FRMPD3: variants seen among roughly 807,000 people sequenced by gnomAD.
The protein encoded by FRMPD3 is FERM and PDZ domain containing 3, also known as FERM and PDZ domain-containing protein 3.
In FRMPD3, 42 loss-of-function variants were observed where a neutral mutation model predicts 97.9. The observed-to-expected ratio is 0.43, with a 90% CI of 0.34 to 0.55. The LOEUF (loss-of-function observed/expected upper bound fraction) is 0.55. FRMPD3 is among the 20% of genes least tolerant of loss of function. The pLI is 0.03. For missense variants in FRMPD3, 1,303 were observed against 1,457.7 expected (o/e 0.89, Z 1.73); for synonymous variants, 577 against 581.1 (o/e 0.99, Z 0.10).
At chrX:107,522,087 G>T (rs1295431407) in intron 1 of FRMPD3, among the ~76,000 whole-genome samples, 1 of 111,523 alleles carries the variant, frequency 9.0e-6, no homozygotes, top group African/African-American at 3.3e-5. Context: ...AGGTTGTCTC[G>T]TAGTTGGGTC....
chrX:107,529,207 G>T (rs1294084846), intron 2 of FRMPD3, among the ~76,000 whole-genome samples: 1 of 111,960 alleles, frequency 8.9e-6, no homozygotes, highest in Non-Finnish European at 1.9e-5. Flanking sequence ...GCATAGCCTT[G>T]TGGTATCCCT....
chrX:107,528,025 T>C (rs767435979), intron 2 of FRMPD3, among the ~76,000 whole-genome samples: 12 of 110,806 alleles, frequency 1.1e-4, no homozygotes, highest in African/African-American at 3.9e-4. Flanking sequence ...TGAGACAGAA[T>C]CTGCACAGCT....
chrX:107,498,760 G>A (rs763185804), intron 1 of FRMPD3, among the ~76,000 whole-genome samples: 17 of 111,966 alleles, frequency 1.5e-4, no homozygotes, highest in Non-Finnish European at 3.8e-5. Context: ...CCATCACAAT[G>A]AGAGGCTGTC....
chrX:107,483,001 C>T (rs1341577058), intron 1 of FRMPD3, among the ~76,000 whole-genome samples: 2 of 112,263 alleles, frequency 1.8e-5, no homozygotes, highest in African/African-American at 6.5e-5. Context: ...ACCATTGTCT[C>T]CGTCTATAGA....
At chrX:107,572,239 G>C (rs933948692) in intron 12 of FRMPD3, among the ~76,000 whole-genome samples, 7 of 111,526 alleles carry the variant, frequency 6.3e-5, no homozygotes, top group Non-Finnish European at 9.4e-5. Flanking sequence ...AGAGGGAACA[G>C]CATAGGTTAA....
At chrX:107,500,564 C>T (rs970226305) in intron 1 of FRMPD3, among the ~76,000 whole-genome samples, 10 of 111,417 alleles carry the variant, frequency 9.0e-5, no homozygotes, top group East Asian at 2.8e-4. Context: ...GAGGCCAAGG[C>T]GGGCGACTCA....
intron 10 of FRMPD3, 138 bp from the exon 11 acceptor site, chrX:107,562,973 A>T (rs1219942635): frequency 4.4e-6 from 2 of 452,931 alleles, no homozygotes; most frequent in Non-Finnish European, 7.7e-6. Flanking sequence ...TGTTTTAAGA[A>T]GGGCATCTTC....
intron 1 of FRMPD3, among the ~76,000 whole-genome samples, chrX:107,453,262 AC>A (rs1017617594): frequency 9.0e-6 from 1 of 110,710 alleles, no homozygotes; most frequent in Non-Finnish European, 1.9e-5. Flanking sequence ...ACACCCTCAA[AC>A]CCCAACACAT....
rs762024290 is a variant in FRMPD3 at position 107,530,508 on chromosome X, T to A, written c.248T>A (p.Ile83Asn). The change falls in exon 3 of 15, where the codon ATC (isoleucine) becomes AAC (asparagine). Residue 83 changes from isoleucine to asparagine, a missense_variant. Ile to Asn is a moderately radical substitution (Grantham distance 149, BLOSUM62 -3). Transcript: ENST00000683843. ...EAPRERLIEL[I>N]RSAKEFIVLT... Reference sequence around the variant, plus strand: ...CCGAGGGAGAGACTCATAGAACTTATCAGGTAACAGGGGCCTTTTGGCAGG... The same window carrying A: ...CCGAGGGAGAGACTCATAGAACTTAACAGGTAACAGGGGCCTTTTGGCAGG... 2.6e-6 allele frequency: 3 copies of A among 1,170,972 alleles called. No individual in the cohort carries two copies. In the East Asian group the frequency reaches 9.2e-5, roughly 36 times the overall value.
chrX:107,535,672 CA>C (rs772729164), intron 4 of FRMPD3, among the ~76,000 whole-genome samples: 2,922 of 36,004 alleles, frequency 0.081, 125 homozygotes, highest in African/African-American at 0.22. Context: ...GACTCCATCT[CA>C]AAAAAAAAAA....
intron 3 of FRMPD3, among the ~76,000 whole-genome samples, chrX:107,531,993 C>T (rs954926354): frequency 3.6e-5 from 4 of 111,994 alleles, no homozygotes; most frequent in East Asian, 2.8e-4. Flanking sequence ...TTGTTGTCCT[C>T]GATGCACCAG....
At chrX:107,487,813 A>G (rs1325512963) in intron 1 of FRMPD3, among the ~76,000 whole-genome samples, 2 of 111,954 alleles carry the variant, frequency 1.8e-5, no homozygotes, top group African/African-American at 6.5e-5. Flanking sequence ...GTATCTTTTC[A>G]TGTCACCCAA....
chrX:107,576,837 G>C (rs1416293312), intron 13 of FRMPD3, among the ~76,000 whole-genome samples: 1 of 111,499 alleles, frequency 9.0e-6, no homozygotes, highest in Non-Finnish European at 1.9e-5. Context: ...AGATGAAAAT[G>C]AATATAAAGG....
chrX:107,542,835 A>G (rs16985230), intron 4 of FRMPD3, among the ~76,000 whole-genome samples: 16,925 of 111,344 alleles, frequency 0.15, 2,976 homozygotes, highest in African/African-American at 0.51. Flanking sequence ...TGTAGGACTC[A>G]GGCTCCATGG....
At chrX:107,472,191 T>G (rs1378356710) in intron 1 of FRMPD3, among the ~76,000 whole-genome samples, 1 of 112,487 alleles carries the variant, frequency 8.9e-6, no homozygotes, top group Non-Finnish European at 1.9e-5. Flanking sequence ...AATTCTGATA[T>G]TAGACCTTTG....
At chrX:107,486,167 A>G (rs1032266562) in intron 1 of FRMPD3, among the ~76,000 whole-genome samples, 2 of 112,331 alleles carry the variant, frequency 1.8e-5, no homozygotes, top group African/African-American at 3.2e-5. Flanking sequence ...ATGTGAAAAG[A>G]GCCCTGGAGG....
intron 1 of FRMPD3, among the ~76,000 whole-genome samples, chrX:107,466,201 G>A (rs1263803690): frequency 1.8e-5 from 2 of 112,602 alleles, no homozygotes; most frequent in Non-Finnish European, 1.9e-5. Context: ...ATGGGACAGG[G>A]ACAGGTGAAT....
At chrX:107,466,699 G>A (rs1367475090) in intron 1 of FRMPD3, among the ~76,000 whole-genome samples, 2 of 112,367 alleles carry the variant, frequency 1.8e-5, no homozygotes, top group Non-Finnish European at 3.8e-5. Flanking sequence ...CTCTTCTGCA[G>A]TGCATGGAGC....
intron 1 of FRMPD3, among the ~76,000 whole-genome samples, chrX:107,503,846 G>A (rs1278217375): frequency 8.9e-6 from 1 of 111,968 alleles, no homozygotes; most frequent in Non-Finnish European, 1.9e-5. Context: ...AGTGAATCCA[G>A]GGTTCAGGCC....
Sources: gnomAD v4.1 joint callset for allele counts (sites outside exome capture counted in the v4.1 genomes callset) on GRCh38, gnomAD v4.1.1 for gene constraint, MANE v1.5 for transcripts, NCBI Gene and HGNC (gene_info 2026-07-23, HGNC 2026-07-21) for gene names.